BMP1: variants seen among roughly 807,000 people sequenced by gnomAD.
The protein encoded by BMP1 is bone morphogenetic protein 1, also known as mammalian tolloid protein.
Under a neutral mutation model 116.8 loss-of-function variants are expected in BMP1, and 63 were observed. The observed-to-expected ratio is 0.54, with a 90% CI of 0.44 to 0.67. The LOEUF is 0.67. Among genes scored for constraint, BMP1 ranks in the 30% least tolerant of loss-of-function variants. BMP1 has a pLI of 0.00. For missense variants in BMP1, 1,183 were observed against 1,358.9 expected (o/e 0.87, Z 2.04); for synonymous variants, 536 against 533.4 (o/e 1.00, Z -0.07).
In BMP1 at chr8:22,176,138, C is replaced by G. The variant is rs1216202524; in HGVS notation, c.263-5C>G. ...CTCACTAGTCACCATGACTTCCTCT[C>G]TCAGTTCCAGGAAACACTTCTACCC... On this transcript the variant is annotated splice_region_variant and splice_polypyrimidine_tract_variant and intron_variant, in intron 2 of 19. Transcript: ENST00000306385. 1 of 1,613,840 alleles carries G rather than the reference C, an allele frequency of 6.2e-7. No individual in the cohort carries two copies. Among genetic ancestry groups the G allele is most frequent in the African/African-American group, 1.3e-5 (1 of 74,934 alleles).
At chr8:22,198,213 A>G (rs1369521669) in intron 15 of BMP1, among the ~76,000 whole-genome samples, 20 of 152,186 alleles carry the variant, frequency 1.3e-4, no homozygotes, top group Non-Finnish European at 2.9e-5. Context: ...GCTTCCTTCA[A>G]TACCAAAGCC....
chr8:22,203,658 C>A (rs1829302434), intron 16 of BMP1, among the ~76,000 whole-genome samples: 1 of 152,192 alleles, frequency 6.6e-6, no homozygotes, highest in African/African-American at 2.4e-5. Context: ...GTGACTCTTC[C>A]CACCCTGGTT....
chr8:22,179,762 C>T lies in BMP1; in HGVS notation c.894C>T (p.Pro298=), dbSNP rs117291130. 7 of 1,614,128 alleles carry T rather than the reference C, an allele frequency of 4.3e-6. No individual in the cohort carries two copies. Among genetic ancestry groups the T allele is most frequent in the East Asian group, 4.5e-5 (2 of 44,872 alleles). Residue 298 remains proline, a synonymous_variant, in exon 7 of 20, where the codon CCC becomes CCT. Coordinates refer to ENST00000306385, the MANE Select transcript of BMP1 (RefSeq NM_006129.5). The surrounding 1 kb of genome is among the most constrained non-coding windows in gnomAD (Gnocchi z 4.6). The part of the protein sequence containing the change: ...PKYEVNGVKP[P]IGQRTRLSKG... The stretch of plus-strand genomic sequence containing the variant: ...ATGAGGTGAACGGGGTGAAACCTCC[C>T]ATTGGCCAAAGGACACGGCTCAGCA...
At chr8:22,168,462 C>A (rs1437603546) in intron 1 of BMP1, among the ~76,000 whole-genome samples, 2 of 152,144 alleles carry the variant, frequency 1.3e-5, no homozygotes, top group Admixed American at 6.5e-5. Flanking sequence ...GGGGCCTGAC[C>A]CCACAGGGGT....
chr8:22,174,490 A>G (rs1174199739), intron 2 of BMP1, among the ~76,000 whole-genome samples: 1 of 152,092 alleles, frequency 6.6e-6, no homozygotes, highest in Non-Finnish European at 1.5e-5. Flanking sequence ...TGTTCTTTCC[A>G]GTCCCTTACT....
Position 22,195,525 on chromosome 8 carries a change from GCAGCTA to G in BMP1, c.1706_1711del (p.Ser569_Tyr570del). On this transcript the variant is annotated inframe_deletion, in exon 13 of 20. Coordinates refer to ENST00000306385, the MANE Select transcript of BMP1 (RefSeq NM_006129.5). ...GAGCAGCGGTGCCTCAACACCCTGG[GCAGCTA>G]CAAGTGCAGCTGTGACCCCGGGTAC... 6.2e-7 allele frequency: 1 copy of G among 1,612,632 alleles called. No individual in the cohort carries two copies. Among genetic ancestry groups the G allele is most frequent in the Non-Finnish European group, 8.5e-7 (1 of 1,179,752 alleles).
At chr8:22,177,767 AT>A (rs1444564891) in intron 5 of BMP1, 84 bp from the exon 6 acceptor site, 29 of 1,059,512 alleles carry the variant, frequency 2.7e-5, no homozygotes, top group Non-Finnish European at 3.8e-5. Context: ...GAAGGACTCC[AT>A]TCCCTGCCCT....
chr8:22,194,572 C>T lies in BMP1; in HGVS notation c.1425C>T (p.Leu475=), dbSNP rs747821753. Residue 475 remains leucine (L), a synonymous_variant, in exon 11 of 20, where the codon CTC becomes CTT. Transcript: ENST00000306385. The surrounding 1 kb of genome is among the most constrained non-coding windows in gnomAD (Gnocchi z 4.5). ...TGTCTGAGGGCTTCCACGTGGGCCT[C>T]ACATTCCAGTCCTTTGAGGTAGGTC... ...IQVSEGFHVG[L]TFQSFEIERH... 1 of 1,614,158 alleles carries T rather than the reference C, an allele frequency of 6.2e-7. No homozygotes were observed. Among genetic ancestry groups the T allele is most frequent in the East Asian group, 2.2e-5 (1 of 44,874 alleles).
At position 22,194,208 on chromosome 8, in the gene BMP1, A is replaced by T. The variant is rs1179253044; in HGVS notation, c.1297+34A>T. 4 of 1,591,350 alleles carry T rather than the reference A, an allele frequency of 2.5e-6. No individual in the cohort carries two copies. The highest frequency in any genetic ancestry group is 2.2e-5 in the East Asian group (1 of 44,800). The stretch of plus-strand genomic sequence containing the variant: ...GAAGGCGGCGGGCGGGAGGAGTCAG[A>T]TAGGAGGTCTCTGGGCATGGTAAAA... On this transcript the variant is annotated intron_variant, in intron 10 of 19. Transcript: ENST00000306385. This position sits in a 1 kb window ranked among gnomAD's most constrained non-coding sequence, Gnocchi z 4.5.
chr8:22,181,642 G>A (rs1037815052), intron 8 of BMP1, among the ~76,000 whole-genome samples: 10 of 150,490 alleles, frequency 6.6e-5, no homozygotes, highest in African/African-American at 2.5e-4. Context: ...AACCTCTGCC[G>A]CCCAGGGTCA....
chr8:22,176,845 G>A (rs1010624969), intron 4 of BMP1, 116 bp from the exon 5 acceptor site: 6 of 1,006,048 alleles, frequency 6.0e-6, no homozygotes, highest in South Asian at 3.1e-5. Context: ...GGTGCTCAGG[G>A]CCCACCCCTC....
chr8:22,204,697 TG>T (rs1014547223), intron 16 of BMP1, among the ~76,000 whole-genome samples: 32 of 152,114 alleles, frequency 2.1e-4, no homozygotes, highest in Non-Finnish European at 1.9e-4. Flanking sequence ...CACTCCAGCC[TG>T]GGCAACAGAG....
intron 17 of BMP1, 65 bp downstream of exon 17, chr8:22,207,046 G>A (rs566108371): frequency 2.5e-6 from 4 of 1,590,536 alleles, no homozygotes; most frequent in Non-Finnish European, 3.4e-6. Context: ...ACTGCCCAGA[G>A]CCACACAGGC....
At chr8:22,190,109 G>C (rs991219827) in intron 8 of BMP1, among the ~76,000 whole-genome samples, 2 of 151,854 alleles carry the variant, frequency 1.3e-5, no homozygotes, top group African/African-American at 4.8e-5. Context: ...ATTTTTAGTA[G>C]AGATGAGGTT....
chr8:22,177,910 C>G lies in BMP1; in HGVS notation c.789C>G (p.Thr263=), dbSNP rs1430710334. The G allele has an allele frequency of 6.2e-7, 1 of 1,613,800 alleles. No individual in the cohort carries two copies. ...AGGAGGTGGAGTCCCTGGGGGAGAC[C>G]TATGACTTCGACAGCATCATGCATT... ...EPQEVESLGE[T]YDFDSIMHYA... Residue 263 remains threonine (T), a synonymous_variant, in exon 6 of 20, where the codon ACC becomes ACG. Transcript: ENST00000306385.
At chr8:22,193,418 G>C (rs1009531484) in intron 9 of BMP1, among the ~76,000 whole-genome samples, 15 of 152,156 alleles carry the variant, frequency 9.9e-5, no homozygotes, top group Admixed American at 6.5e-4. Flanking sequence ...GACCAAATAA[G>C]AAAAGGTAAA....
intron 8 of BMP1, 47 bp from the exon 9 acceptor site, chr8:22,192,002 T>C: frequency 6.6e-7 from 1 of 1,519,814 alleles, no homozygotes; most frequent in Admixed American, 1.7e-5. Flanking sequence ...AGAGGGCTGG[T>C]GCAATGTTCG....
intron 16 of BMP1, among the ~76,000 whole-genome samples, chr8:22,202,518 A>C (rs948027772): frequency 6.6e-6 from 1 of 152,248 alleles, no homozygotes; most frequent in African/African-American, 2.4e-5. Context: ...GAACAGGGCC[A>C]CTGCCTTCCT....
chr8:22,194,701 A>G lies in BMP1; in HGVS notation c.1444-23A>G, dbSNP rs770394223. On this transcript the variant is annotated intron_variant, in intron 11 of 19. Coordinates refer to ENST00000306385, the MANE Select transcript of BMP1 (RefSeq NM_006129.5). This position sits in a 1 kb window ranked among gnomAD's most constrained non-coding sequence, Gnocchi z 4.5. ...GTCTCTGGCAGCCAGAGCCCCTTCC[A>G]CTGATGAAGCCTCGACCCCTAGATT... 2 of 1,593,482 alleles carry G rather than the reference A, an allele frequency of 1.3e-6. No homozygotes were observed. Among genetic ancestry groups the G allele is most frequent in the Admixed American group, 3.4e-5 (2 of 57,984 alleles).
Sources: allele counts gnomAD v4.1 joint callset (sites outside exome capture counted in the v4.1 genomes callset), GRCh38; gene constraint gnomAD v4.1.1; non-coding constraint Gnocchi (gnomAD v3.1); transcripts MANE v1.5; gene names NCBI Gene and HGNC (gene_info 2026-07-23, HGNC 2026-07-21).